The following EPS15 variants were observed in gnomAD, a reference collection of about 807,000 sequenced individuals.
EPS15 encodes the protein epidermal growth factor receptor substrate 15.
EPS15 carries 72 observed loss-of-function variants against 113.8 expected under a neutral mutation model. The observed-to-expected ratio is 0.63, with a 90% CI of 0.52 to 0.77. EPS15 has a LOEUF of 0.77. Ranked by LOEUF, EPS15 falls within the 30% of genes least tolerant of loss-of-function variation. The pLI is 0.00. For synonymous variants in EPS15, 344 were observed against 363.4 expected (o/e 0.95, Z 0.61); for missense variants, 1,048 against 1,045.8 (o/e 1.00, Z -0.03).
intron 21 of EPS15, among the ~76,000 whole-genome samples, chr1:51,370,468 C>A (rs1646619608): frequency 6.6e-6 from 1 of 152,086 alleles, no homozygotes; most frequent in African/African-American, 2.4e-5. Flanking sequence ...CATATCAGTG[C>A]TCAAAAAGGT....
intron 21 of EPS15, among the ~76,000 whole-genome samples, chr1:51,380,911 CTT>C (rs1220929643): frequency 6.6e-6 from 1 of 152,168 alleles, no homozygotes; most frequent in African/African-American, 2.4e-5. Flanking sequence ...AAAAAATAGA[CTT>C]TAACTCTACA....
rs543269527 is a variant in EPS15 at position 51,427,888 on chromosome 1, T to C, written c.1041-6030A>G. 5.9e-5 allele frequency among the ~76,000 whole-genome samples: 9 copies of C among 152,212 alleles called. No homozygotes were observed. In the East Asian group the frequency reaches 1.5e-3, roughly 26 times the overall value. ...ATCTGCATCTACAGATCTAAAAAGCTCAATGAACTCCAAGTAGGATAAACA... is the reference window on the plus strand; with the variant it reads ...ATCTGCATCTACAGATCTAAAAAGCCCAATGAACTCCAAGTAGGATAAACA... On this transcript the variant is annotated intron_variant, in intron 12 of 24. Coordinates refer to ENST00000371733, the MANE Select transcript of EPS15 (RefSeq NM_001981.3).
chr1:51,402,008 G>A (rs370048092), intron 18 of EPS15, among the ~76,000 whole-genome samples: 1 of 152,336 alleles, frequency 6.6e-6, no homozygotes, highest in African/African-American at 2.4e-5. Flanking sequence ...GTGGTGGCAG[G>A]CACCTGCAAT....
chr1:51,359,531 C>T (rs1422589243), intron 24 of EPS15, among the ~76,000 whole-genome samples: 6 of 151,136 alleles, frequency 4.0e-5, no homozygotes, highest in Non-Finnish European at 8.8e-5. Flanking sequence ...AGGCTGAGGC[C>T]GGTGGATCGC....
At chr1:51,456,284 C>A (rs1158866144) in intron 8 of EPS15, among the ~76,000 whole-genome samples, 1 of 152,144 alleles carries the variant, frequency 6.6e-6, no homozygotes, top group East Asian at 1.9e-4. Context: ...AAATTCAACA[C>A]CCCAAGTTAG....
chr1:51,496,634 A>G (rs1644328757), intron 1 of EPS15, among the ~76,000 whole-genome samples: 1 of 152,238 alleles, frequency 6.6e-6, no homozygotes, highest in Admixed American at 6.5e-5. Flanking sequence ...CCAGAATCAG[A>G]CAGACTTGCT....
chr1:51,394,720 T>C (rs1647749953), intron 20 of EPS15, among the ~76,000 whole-genome samples: 1 of 152,214 alleles, frequency 6.6e-6, no homozygotes. Context: ...TGAACACTTG[T>C]GTAGTCATCT....
intron 12 of EPS15, among the ~76,000 whole-genome samples, chr1:51,433,174 C>T (rs1165210712): frequency 6.6e-6 from 1 of 152,216 alleles, no homozygotes; most frequent in African/African-American, 2.4e-5. Flanking sequence ...GGCTACCTGG[C>T]TACATAGTTC....
chr1:51,414,144 G>A (rs1246688516), intron 13 of EPS15, among the ~76,000 whole-genome samples: 1 of 152,280 alleles, frequency 6.6e-6, no homozygotes, highest in East Asian at 1.9e-4. Flanking sequence ...CGGCAAAGTG[G>A]CTCATGCCTG....
At chr1:51,432,342 GTATGTATA>G (rs1441317613) in intron 12 of EPS15, among the ~76,000 whole-genome samples, 2 of 141,246 alleles carry the variant, frequency 1.4e-5, no homozygotes, top group African/African-American at 2.8e-5. Flanking sequence ...ATGTATGTAT[GTATGTATA>G]TATTTAATAG....
chr1:51,511,448 T>C (rs1441899936), intron 1 of EPS15, among the ~76,000 whole-genome samples: 5 of 152,050 alleles, frequency 3.3e-5, no homozygotes, highest in Non-Finnish European at 7.4e-5. Context: ...TGAGCCAAGA[T>C]CACACCACTG....
chr1:51,374,461 G>A (rs895238091), intron 21 of EPS15, among the ~76,000 whole-genome samples: 26 of 151,970 alleles, frequency 1.7e-4, no homozygotes, highest in African/African-American at 4.8e-4. Flanking sequence ...AAAATTAGCC[G>A]GGCGTGGTGG....
intron 10 of EPS15, among the ~76,000 whole-genome samples, chr1:51,445,958 T>C (rs552158628): frequency 3.3e-4 from 50 of 152,328 alleles, no homozygotes; most frequent in African/African-American, 1.1e-3. Context: ...GTATAGTGCC[T>C]ACCCTAGGCA....
chr1:51,451,959 A>G (rs936326307), intron 8 of EPS15, among the ~76,000 whole-genome samples: 3 of 151,410 alleles, frequency 2.0e-5, no homozygotes, highest in Non-Finnish European at 4.4e-5. Context: ...TTGGCTCACT[A>G]CAACCTCCGT....
At chr1:51,362,647 TTTCA>T (rs1294707243) in intron 23 of EPS15, among the ~76,000 whole-genome samples, 1 of 152,208 alleles carries the variant, frequency 6.6e-6, no homozygotes, top group Non-Finnish European at 1.5e-5. Context: ...TTACCTGATT[TTTCA>T]ACAGATTATC....
At chr1:51,509,023 C>T (rs1372090483) in intron 1 of EPS15, among the ~76,000 whole-genome samples, 1 of 151,688 alleles carries the variant, frequency 6.6e-6, no homozygotes, top group Non-Finnish European at 1.5e-5. Flanking sequence ...CTCATGGCAC[C>T]CCCTTGCCTT....
intron 8 of EPS15, among the ~76,000 whole-genome samples, chr1:51,459,657 A>G (rs1654283622): frequency 6.6e-6 from 1 of 152,172 alleles, no homozygotes; most frequent in Admixed American, 6.5e-5. Flanking sequence ...TTTTAATTAG[A>G]CATTTTATAG....
At chr1:51,460,286 A>G (rs1035505090) in intron 8 of EPS15, among the ~76,000 whole-genome samples, 1 of 152,252 alleles carries the variant, frequency 6.6e-6, no homozygotes, top group Non-Finnish European at 1.5e-5. Context: ...AGTTTTATCA[A>G]ACCTTTAAGG....
At chr1:51,437,557 A>G (rs925760755) in intron 12 of EPS15, among the ~76,000 whole-genome samples, 2 of 148,554 alleles carry the variant, frequency 1.3e-5, no homozygotes, top group African/African-American at 5.0e-5. Flanking sequence ...GCAATGGCTC[A>G]CTGCAACCTC....
Sources: allele counts gnomAD v4.1 joint callset (sites outside exome capture counted in the v4.1 genomes callset), GRCh38; gene constraint gnomAD v4.1.1; transcripts MANE v1.5; gene names NCBI Gene and HGNC (gene_info 2026-07-23, HGNC 2026-07-21).